Variants in TMPRSS7 observed in about 807,000 individuals in gnomAD.
TMPRSS7 encodes the protein transmembrane serine protease 7, also known as transmembrane protease serine 7.
Under a neutral mutation model 95.6 loss-of-function variants are expected in TMPRSS7, and 81 were observed. The ratio of observed to expected loss-of-function variants is 0.85; its 90% confidence interval spans 0.71 to 1.02. The LOEUF (loss-of-function observed/expected upper bound fraction) is 1.02. Ranked by LOEUF, TMPRSS7 falls within the 50% of genes least tolerant of loss-of-function variation. TMPRSS7 has a pLI of 0.00. For synonymous variants in TMPRSS7, 364 were observed against 337.8 expected (o/e 1.08, Z -0.85); for missense variants, 945 against 955.2 (o/e 0.99, Z 0.14).
chr3:112,076,739 G>A, intron 15 of TMPRSS7, 137 bp from the exon 16 acceptor site: 1 of 1,036,198 alleles, frequency 9.7e-7, no homozygotes, highest in Non-Finnish European at 1.4e-6. Context: ...ATGGTCCCCG[G>A]ACAAAGCCAG....
At chr3:112,071,114 T>C (rs1267704946) in intron 13 of TMPRSS7, among the ~76,000 whole-genome samples, 1 of 152,238 alleles carries the variant, frequency 6.6e-6, no homozygotes, top group Admixed American at 6.5e-5. Flanking sequence ...TAGTGCTTCC[T>C]TCAGGAGCTC....
chr3:112,050,528 A>AAAAAAAC (rs1238342211), intron 8 of TMPRSS7, 143 bp from the exon 9 acceptor site: 5 of 355,726 alleles, frequency 1.4e-5, no homozygotes, highest in Admixed American at 3.8e-5. Context: ...TTCTGAAAAA[A>AAAAAAAC]AAAAAAAAAA....
At chr3:112,069,730 T>C (rs1182007091) in intron 13 of TMPRSS7, among the ~76,000 whole-genome samples, 1 of 152,214 alleles carries the variant, frequency 6.6e-6, no homozygotes, top group African/African-American at 2.4e-5. Flanking sequence ...TCTTTATTAA[T>C]CTTGCTAGCG....
downstream of TMPRSS7, chr3:112,081,225 G>A: frequency 3.5e-6 from 2 of 564,036 alleles, no homozygotes; most frequent in Non-Finnish European, 5.7e-6. Flanking sequence ...GAGGTCAGGA[G>A]GTCAAGACCA....
At chr3:112,074,199 C>G (rs1576122531) in intron 13 of TMPRSS7, 97 bp from the exon 14 acceptor site, 2 of 847,486 alleles carry the variant, frequency 2.4e-6, no homozygotes, top group East Asian at 5.2e-5. Context: ...TGTGATTAAA[C>G]CATTTTTTAT....
chr3:112,069,990 C>T (rs1412318555), intron 13 of TMPRSS7, among the ~76,000 whole-genome samples: 1 of 152,234 alleles, frequency 6.6e-6, no homozygotes, highest in African/African-American at 2.4e-5. Context: ...CCTCTACACA[C>T]CGCTTTAAAT....
At chr3:112,056,384 A>T (rs1270394671) in intron 9 of TMPRSS7, among the ~76,000 whole-genome samples, 1 of 152,254 alleles carries the variant, frequency 6.6e-6, no homozygotes, top group East Asian at 1.9e-4. Flanking sequence ...GGTCAAAGTG[A>T]AAATCAAAAT....
At chr3:112,049,871 G>A in exon 8 of TMPRSS7, 1 of 1,543,102 alleles carries the variant, frequency 6.5e-7, no homozygotes, top group Non-Finnish European at 8.8e-7. Context: ...GAACATTAAT[G>A]TCATTTGTTT....
In TMPRSS7 at chr3:112,061,771, A is replaced by G. The variant is rs751744890; in HGVS notation, c.1311-16A>G. 3.7e-5 allele frequency: 59 copies of G among 1,589,984 alleles called. No homozygotes were observed. Among genetic ancestry groups the G allele is most frequent in the Non-Finnish European group, 4.9e-5 (57 of 1,166,958 alleles). ...AACCTCAAGCTGTGTATTCTCCCCG[A>G]CTCTTGTCTCCCCAGGTACTGTGGC... is the stretch of plus-strand genomic sequence containing the variant. On this transcript the variant is annotated splice_polypyrimidine_tract_variant and intron_variant, in intron 10 of 17. Transcript: ENST00000452346.
intron 5 of TMPRSS7, among the ~76,000 whole-genome samples, chr3:112,046,252 A>G (rs532962977): frequency 6.6e-5 from 10 of 152,188 alleles, no homozygotes; most frequent in Non-Finnish European, 1.3e-4. Flanking sequence ...AACCCTAGAC[A>G]AGGAAGAATT....
intron 9 of TMPRSS7, among the ~76,000 whole-genome samples, chr3:112,055,020 G>A (rs901860733): frequency 2.6e-5 from 4 of 152,180 alleles, no homozygotes; most frequent in East Asian, 3.9e-4. Context: ...GATGACAGGC[G>A]TGAGCCACTG....
At chr3:112,057,989 G>T (rs2073452587) in intron 10 of TMPRSS7, among the ~76,000 whole-genome samples, 1 of 152,144 alleles carries the variant, frequency 6.6e-6, no homozygotes, top group Non-Finnish European at 1.5e-5. Context: ...GCCTCCCAAA[G>T]TTCCAGGATT....
rs1288358336 is a variant in TMPRSS7, at chr3:112,066,413, A to G, written c.1577A>G (p.Asn526Ser). 1.2e-6 allele frequency: 2 copies of G among 1,614,020 alleles called. 1 individual carries two copies. The highest frequency in any genetic ancestry group is 2.2e-5 in the South Asian group (2 of 91,070). The change falls in exon 13 of 18, where the codon AAT becomes AGT. Residue 526 changes from asparagine to serine, a missense_variant. Physicochemically the swap from Asn to Ser is conservative, Grantham distance 46. Coordinates refer to ENST00000452346, the Ensembl canonical transcript of TMPRSS7. Reference sequence around the variant, plus strand: ...CTAGTGAGCCCTCAACCTGCCTGCAATACCAGCTCCTTCAGGCAGCATGGC... The same window carrying G: ...CTAGTGAGCCCTCAACCTGCCTGCAGTACCAGCTCCTTCAGGCAGCATGGC...
chr3:112,056,376 T>C (rs966131012), intron 9 of TMPRSS7, among the ~76,000 whole-genome samples: 1 of 152,194 alleles, frequency 6.6e-6, no homozygotes, highest in Non-Finnish European at 1.5e-5. Context: ...AATTCCTGGG[T>C]CAAAGTGAAA....
At chr3:112,074,400 G>A in exon 14 of TMPRSS7, 1 of 1,612,044 alleles carries the variant, frequency 6.2e-7, no homozygotes, top group Non-Finnish European at 8.5e-7. Context: ...TGGAAGTGAT[G>A]AAGAAGGCTG....
At chr3:112,064,356 C>CTTTTCTTTTTT (rs71791826) in intron 12 of TMPRSS7, among the ~76,000 whole-genome samples, 3 of 150,516 alleles carry the variant, frequency 2.0e-5, no homozygotes, top group African/African-American at 7.4e-5. Flanking sequence ...GTTTTCTTTT[C>CTTTTCTTTTTT]TTTTTTCTTT....
chr3:112,038,205 A>G, exon 2 of TMPRSS7: 1 of 702,998 alleles, frequency 1.4e-6, no homozygotes, highest in Non-Finnish European at 2.6e-6. Flanking sequence ...GCCAAACCCA[A>G]GAAGCAATCC....
At chr3:112,066,624 C>T in intron 13 of TMPRSS7, 122 bp downstream of exon 13, 1 of 856,710 alleles carries the variant, frequency 1.2e-6, no homozygotes, top group Non-Finnish European at 1.8e-6. Flanking sequence ...TCTGGAACTT[C>T]TCCAGTTTTA....
At chr3:112,055,287 T>C (rs1277471267) in intron 9 of TMPRSS7, among the ~76,000 whole-genome samples, 1 of 152,124 alleles carries the variant, frequency 6.6e-6, no homozygotes, top group Non-Finnish European at 1.5e-5. Context: ...TGGTTAGTCT[T>C]GGTTTTTACT....
Sources: gnomAD v4.1 joint callset for allele counts (sites outside exome capture counted in the v4.1 genomes callset) on GRCh38, gnomAD v4.1.1 for gene constraint, MANE v1.5 for transcripts, NCBI Gene and HGNC (gene_info 2026-07-23, HGNC 2026-07-21) for gene names.